The following CSMD1 variants were observed in gnomAD, a reference collection of about 807,000 sequenced individuals.
CSMD1 encodes the protein CUB and Sushi multiple domains 1.
In CSMD1, 213 loss-of-function variants were observed where a neutral mutation model predicts 417.5. The ratio of observed to expected loss-of-function variants is 0.51; its 90% CI spans 0.46 to 0.57. CSMD1 has a LOEUF of 0.57. CSMD1 is among the 20% of genes least tolerant of loss of function. The probability of loss-of-function intolerance (pLI) is 0.00; values close to 1 mark genes in which losing one functional copy is unlikely to be tolerated. For synonymous variants in CSMD1, 2,862 were observed against 1,736.8 expected (o/e 1.65, Z -16.11); for missense variants, 6,923 against 4,529.7 (o/e 1.53, Z -15.17).
intron 8 of CSMD1, among the ~76,000 whole-genome samples, chr8:3,602,466 G>C (rs1249429303): frequency 6.6e-5 from 10 of 152,094 alleles, no homozygotes; most frequent in Non-Finnish European, 1.5e-4. Flanking sequence ...GCACTGGTTG[G>C]TCATTGAACG....
chr8:4,402,786 G>GTCCTCACTT (rs1563136591), intron 3 of CSMD1, among the ~76,000 whole-genome samples: 1 of 137,636 alleles, frequency 7.3e-6, no homozygotes, highest in Non-Finnish European at 1.5e-5. Flanking sequence ...TGAGTATAAT[G>GTCCTCACTT]TCCTCACTTT....
chr8:3,308,915 G>C (rs1036563367), intron 23 of CSMD1, among the ~76,000 whole-genome samples: 2 of 151,888 alleles, frequency 1.3e-5, no homozygotes, highest in African/African-American at 4.8e-5. Context: ...AGTAGAGACG[G>C]GGTTTCACTA....
intron 3 of CSMD1, among the ~76,000 whole-genome samples, chr8:4,250,965 C>T (rs1803029007): frequency 6.6e-6 from 1 of 152,118 alleles, no homozygotes; most frequent in South Asian, 2.1e-4. Context: ...CTGAATGTTA[C>T]TAGGTGAATT....
intron 3 of CSMD1, among the ~76,000 whole-genome samples, chr8:4,115,399 C>T (rs372107876): frequency 2.6e-5 from 4 of 152,162 alleles, no homozygotes; most frequent in East Asian, 1.9e-4. Flanking sequence ...ATGCACTAAG[C>T]CAACATATTC....
At chr8:4,556,590 C>G (rs754978393) in intron 2 of CSMD1, among the ~76,000 whole-genome samples, 7 of 152,028 alleles carry the variant, frequency 4.6e-5, no homozygotes, top group Admixed American at 6.6e-5. Flanking sequence ...AAAGAATAAA[C>G]GAATAGTATA....
chr8:3,572,145 C>G (rs1374335520), intron 10 of CSMD1, among the ~76,000 whole-genome samples: 2 of 152,322 alleles, frequency 1.3e-5, no homozygotes, highest in African/African-American at 4.8e-5. Context: ...TCAGAGTTTT[C>G]TGCCCGACCC....
chr8:3,103,663 C>T (rs1013604219), intron 46 of CSMD1, among the ~76,000 whole-genome samples: 1 of 151,986 alleles, frequency 6.6e-6, no homozygotes, highest in Non-Finnish European at 1.5e-5. Context: ...TTATTCTCTG[C>T]TCTTGGCTTG....
At chr8:4,930,826 C>A (rs1246713266) in intron 1 of CSMD1, among the ~76,000 whole-genome samples, 4 of 152,076 alleles carry the variant, frequency 2.6e-5, no homozygotes, top group Non-Finnish European at 5.9e-5. Flanking sequence ...TGATGTGTGA[C>A]CATTGTAAAT....
intron 2 of CSMD1, among the ~76,000 whole-genome samples, chr8:4,505,551 T>G (rs73180932): frequency 6.6e-6 from 1 of 152,214 alleles, no homozygotes; most frequent in African/African-American, 2.4e-5. Context: ...TCATATACTA[T>G]CAAAATAATG....
chr8:3,542,272 T>C (rs1478375328), intron 10 of CSMD1, among the ~76,000 whole-genome samples: 2 of 152,212 alleles, frequency 1.3e-5, no homozygotes, highest in Non-Finnish European at 2.9e-5. Flanking sequence ...TTTTATGTCA[T>C]CTGAAGATGG....
intron 5 of CSMD1, among the ~76,000 whole-genome samples, chr8:3,940,695 C>T (rs1047673848): frequency 2.3e-4 from 35 of 151,770 alleles, no homozygotes; most frequent in African/African-American, 6.8e-4. Flanking sequence ...ACCTACATTG[C>T]TTTTTATAAT....
intron 3 of CSMD1, among the ~76,000 whole-genome samples, chr8:4,289,432 T>C (rs1797239577): frequency 6.6e-6 from 1 of 152,226 alleles, no homozygotes. Flanking sequence ...TCCTATTTTT[T>C]GCACAAACAC....
intron 3 of CSMD1, among the ~76,000 whole-genome samples, chr8:4,271,467 A>G (rs1217870456): frequency 2.0e-5 from 3 of 152,170 alleles, no homozygotes; most frequent in Non-Finnish European, 4.4e-5. Flanking sequence ...ACTCACTGCA[A>G]TGCAATACAT....
chr8:3,894,553 C>T (rs1807223326), intron 5 of CSMD1, among the ~76,000 whole-genome samples: 1 of 151,992 alleles, frequency 6.6e-6, no homozygotes, highest in African/African-American at 2.4e-5. Flanking sequence ...CAAAAGTGTA[C>T]CTAAAATAGA....
intron 10 of CSMD1, among the ~76,000 whole-genome samples, chr8:3,511,487 G>A (rs918357754): frequency 3.4e-4 from 51 of 151,728 alleles, no homozygotes; most frequent in African/African-American, 2.4e-4. Flanking sequence ...AGGCACGTTG[G>A]CTCACGGCTG....
chr8:3,457,733 G>A (rs189915973), intron 12 of CSMD1, among the ~76,000 whole-genome samples: 2 of 152,150 alleles, frequency 1.3e-5, no homozygotes, highest in East Asian at 3.9e-4. Flanking sequence ...AAATACCAAA[G>A]AAAAATAATA....
chr8:4,094,624 C>G (rs1030913350), intron 3 of CSMD1, among the ~76,000 whole-genome samples: 7 of 151,500 alleles, frequency 4.6e-5, no homozygotes, highest in Non-Finnish European at 7.4e-5. Flanking sequence ...AGGCGTGTGT[C>G]ACACATGTGG....
chr8:3,721,609 C>G (rs951362281), intron 6 of CSMD1, among the ~76,000 whole-genome samples: 1 of 152,144 alleles, frequency 6.6e-6, no homozygotes, highest in Non-Finnish European at 1.5e-5. Context: ...CTTTCTCAGT[C>G]CTACCTTAAT....
chr8:4,165,112 G>A (rs1279447377), intron 3 of CSMD1, among the ~76,000 whole-genome samples: 2 of 152,100 alleles, frequency 1.3e-5, no homozygotes, highest in African/African-American at 4.8e-5. Context: ...AAGAATTCAT[G>A]TGCTGGTGCA....
Sources: allele counts gnomAD v4.1 joint callset (sites outside exome capture counted in the v4.1 genomes callset), GRCh38; gene constraint gnomAD v4.1.1; transcripts MANE v1.5; gene names NCBI Gene and HGNC (gene_info 2026-07-23, HGNC 2026-07-21).